Variants in SNX25 observed in about 807,000 individuals in gnomAD.
The protein encoded by SNX25 is sorting nexin-25.
A neutral mutation model predicts 113.7 loss-of-function variants in SNX25; 62 were observed. The observed-to-expected ratio is 0.55, with a 90% CI of 0.44 to 0.67. The LOEUF (loss-of-function observed/expected upper bound fraction) is 0.67. SNX25 is among the 30% of genes least tolerant of loss of function. The pLI is 0.00. For missense variants in SNX25, 1,014 were observed against 1,161.0 expected (o/e 0.87, Z 1.84); for synonymous variants, 421 against 436.2 (o/e 0.97, Z 0.43).
intron 2 of SNX25, among the ~76,000 whole-genome samples, chr4:185,247,913 ATT>A (rs1490293136): frequency 6.6e-6 from 1 of 152,206 alleles, no homozygotes; most frequent in Non-Finnish European, 1.5e-5. Context: ...TAAAAAATAT[ATT>A]TTGAACATCA....
At chr4:185,299,230 G>GA (rs974174374) in intron 6 of SNX25, among the ~76,000 whole-genome samples, 3 of 152,168 alleles carry the variant, frequency 2.0e-5, no homozygotes, top group Non-Finnish European at 4.4e-5. Context: ...CATGCGCATA[G>GA]AAAAAGAGAA....
chr4:185,261,744 C>T (rs938387087), intron 3 of SNX25, among the ~76,000 whole-genome samples: 1 of 151,950 alleles, frequency 6.6e-6, no homozygotes, highest in East Asian at 1.9e-4. Flanking sequence ...TTTTCTTATG[C>T]CAAGGGTAGA....
At chr4:185,241,656 T>C (rs1416759135) in intron 1 of SNX25, among the ~76,000 whole-genome samples, 2 of 151,638 alleles carry the variant, frequency 1.3e-5, no homozygotes, top group African/African-American at 4.8e-5. Context: ...GAGTTAATAT[T>C]GTGATACGCA....
At chr4:185,257,333 G>A (rs112416147) in intron 2 of SNX25, among the ~76,000 whole-genome samples, 2,319 of 152,132 alleles carry the variant, frequency 0.015, 65 homozygotes, top group African/African-American at 0.054. Flanking sequence ...TTTTTCAAAA[G>A]ACCTAGCTTC....
intron 2 of SNX25, among the ~76,000 whole-genome samples, chr4:185,249,791 T>A (rs533648819): frequency 1.3e-5 from 2 of 152,192 alleles, no homozygotes; most frequent in Non-Finnish European, 2.9e-5. Context: ...TCTTTTTTTC[T>A]TGTTGTTTCT....
At chr4:185,350,930 A>G (rs1400072034) in intron 13 of SNX25, among the ~76,000 whole-genome samples, 1 of 152,264 alleles carries the variant, frequency 6.6e-6, no homozygotes, top group African/African-American at 2.4e-5. Context: ...AAGTGGCAGC[A>G]CTGGGAAATG....
At chr4:185,281,181 A>C (rs577141760) in intron 5 of SNX25, among the ~76,000 whole-genome samples, 1 of 151,964 alleles carries the variant, frequency 6.6e-6, no homozygotes, top group Non-Finnish European at 1.5e-5. Flanking sequence ...ATTGGGCTAA[A>C]ATGCTCTGTA....
At chr4:185,230,392 AT>A (rs35035428) in intron 1 of SNX25, among the ~76,000 whole-genome samples, 119 of 139,786 alleles carry the variant, frequency 8.5e-4, no homozygotes, top group South Asian at 2.0e-3. Context: ...AGGAATCATA[AT>A]TTTTTTTTTT....
chr4:185,346,508 T>A, intron 12 of SNX25, 29 bp from the exon 13 acceptor site: 1 of 1,356,056 alleles, frequency 7.4e-7, no homozygotes, highest in South Asian at 1.3e-5. Flanking sequence ...AATTTCAAAA[T>A]ACTAACATTT....
intron 5 of SNX25, among the ~76,000 whole-genome samples, chr4:185,271,221 G>A (rs957596712): frequency 5.3e-5 from 8 of 152,224 alleles, no homozygotes; most frequent in African/African-American, 1.9e-4. Context: ...AGTTTGCAGA[G>A]TCAGTGGGAA....
rs573835166 is a variant in SNX25, at chr4:185,268,495, C to G, written c.1091+1340C>G. ...GTAAATTTTCTAGGCTTCTGTTTCT[C>G]TACCCTTCTTTTTAATGTTCCCAAA... is the stretch of plus-strand genomic sequence containing the variant. On this transcript the variant is annotated intron_variant, in intron 5 of 18. Coordinates refer to ENST00000652585, the MANE Select transcript of SNX25 (RefSeq NM_001378034.2). Among the ~76,000 whole-genome samples, 33 of 152,108 alleles carry G rather than the reference C, an allele frequency of 2.2e-4. No homozygotes were observed. In the South Asian group the frequency reaches 6.8e-3, roughly 32 times the overall value.
In SNX25 at chr4:185,361,908, C is replaced by T. The variant is rs1053739278; in HGVS notation, c.2652-16C>T. 3.7e-6 allele frequency: 6 copies of T among 1,610,636 alleles called. No individual in the cohort carries two copies. Among genetic ancestry groups the T allele is most frequent in the Non-Finnish European group, 5.1e-6 (6 of 1,178,202 alleles). On this transcript the variant is annotated splice_polypyrimidine_tract_variant and intron_variant, in intron 16 of 18. Transcript: ENST00000652585. ...TTTTTAAAAACCTCATCCAAGAAATCTTTTTCTCTTAAAAGACAAATCCGG... is the reference window on the plus strand; with the variant it reads ...TTTTTAAAAACCTCATCCAAGAAATTTTTTTCTCTTAAAAGACAAATCCGG...
rs150331889 is a variant in SNX25 at position 185,353,521 on chromosome 4, G to A, written c.2503G>A (p.Gly835Ser). The A allele has an allele frequency of 6.2e-7, 1 of 1,614,074 alleles. No homozygotes were observed. Among genetic ancestry groups the A allele is most frequent in the African/African-American group, 1.3e-5 (1 of 74,930 alleles). ...GGAGGACAGTGACCTGTCAGATTATGGTGATGATGTGGATGGGAGGAAAGA... is the reference window on the plus strand; with the variant it reads ...GGAGGACAGTGACCTGTCAGATTATAGTGATGATGTGGATGGGAGGAAAGA... ...TEEDSDLSDY[G>S]DDVDGRKDAL... Residue 835 changes from glycine (G) to serine (S), a missense_variant, in exon 15 of 19, where the codon GGT becomes AGT. Physicochemically the swap from Gly to Ser is moderately conservative, Grantham distance 56. Transcript: ENST00000652585.
At chr4:185,332,527 C>G in intron 9 of SNX25, 68 bp from the exon 10 acceptor site, 1 of 1,439,752 alleles carries the variant, frequency 6.9e-7, no homozygotes, top group Non-Finnish European at 9.3e-7. Flanking sequence ...AACAGGGTAT[C>G]GTGACCGATA....
At chr4:185,265,905 G>A (rs1358516475) in intron 4 of SNX25, among the ~76,000 whole-genome samples, 3 of 152,184 alleles carry the variant, frequency 2.0e-5, no homozygotes, top group South Asian at 4.2e-4. Flanking sequence ...TGACCAAAAT[G>A]TCATTATGTG....
At chr4:185,238,232 A>C (rs1448452427) in intron 1 of SNX25, among the ~76,000 whole-genome samples, 1 of 151,900 alleles carries the variant, frequency 6.6e-6, no homozygotes, top group Admixed American at 6.6e-5. Flanking sequence ...CAAGCTAGAG[A>C]GGGGAGTGGC....
At chr4:185,246,200 A>C (rs1159357116) in intron 1 of SNX25, among the ~76,000 whole-genome samples, 1 of 152,154 alleles carries the variant, frequency 6.6e-6, no homozygotes, top group Admixed American at 6.5e-5. Flanking sequence ...CAGGAGAATC[A>C]CTTGAACCTG....
the SNX25 span, among the ~76,000 whole-genome samples, chr4:185,376,442 A>ATTTT: frequency 9.1e-6 from 1 of 110,418 alleles, no homozygotes; most frequent in Non-Finnish European, 1.8e-5. Flanking sequence ...ATGCCCAGCT[A>ATTTT]CTTTTTTTTT....
At chr4:185,374,258 G>A, downstream of SNX25, 1 of 1,613,988 alleles carries the variant, frequency 6.2e-7, no homozygotes, top group Admixed American at 1.7e-5. Context: ...AGAAAGTGAG[G>A]CATGTTATTC....
Sources: allele counts gnomAD v4.1 joint callset (sites outside exome capture counted in the v4.1 genomes callset), GRCh38; gene constraint gnomAD v4.1.1; transcripts MANE v1.5; gene names NCBI Gene and HGNC (gene_info 2026-07-23, HGNC 2026-07-21).